Variants in KCNK2 observed in about 807,000 individuals in gnomAD.
KCNK2 encodes the protein potassium two pore domain channel subfamily K member 2, also known as potassium channel subfamily K member 2.
KCNK2 carries 21 observed loss-of-function variants against 40.5 expected under a neutral mutation model. The observed-to-expected ratio is 0.52, with a 90% CI of 0.37 to 0.75. KCNK2 has a LOEUF of 0.75. Ranked by LOEUF, KCNK2 falls within the 30% of genes least tolerant of loss-of-function variation. The probability of loss-of-function intolerance (pLI) is 0.00; values close to 1 mark genes in which losing one functional copy is unlikely to be tolerated. For missense variants in KCNK2, 399 were observed against 531.6 expected (o/e 0.75, Z 2.45); for synonymous variants, 191 against 202.2 (o/e 0.94, Z 0.47).
intron 1 of KCNK2, among the ~76,000 whole-genome samples, chr1:215,052,753 G>C (rs2102500647): frequency 6.6e-6 from 1 of 152,250 alleles, no homozygotes; most frequent in South Asian, 2.1e-4. Flanking sequence ...TCCTAGGTTT[G>C]GGACATCAGC....
chr1:215,181,474 A>AG (rs1356521933), intron 5 of KCNK2, among the ~76,000 whole-genome samples: 7 of 152,142 alleles, frequency 4.6e-5, no homozygotes, highest in Admixed American at 4.6e-4. Context: ...TCTCATCTGG[A>AG]GACACTGCCA....
At chr1:215,065,421 G>A (rs1360924586) in intron 1 of KCNK2, among the ~76,000 whole-genome samples, 1 of 151,948 alleles carries the variant, frequency 6.6e-6, no homozygotes, top group African/African-American at 2.4e-5. Flanking sequence ...AAAAGAAAAG[G>A]AAGAAGTGAA....
At chr1:215,008,671 G>C (rs532011611) in intron 1 of KCNK2, among the ~76,000 whole-genome samples, 1 of 152,128 alleles carries the variant, frequency 6.6e-6, no homozygotes, top group Non-Finnish European at 1.5e-5. Flanking sequence ...GGGCTTTAGA[G>C]ACCTTTCTAA....
chr1:215,096,686 G>A (rs555635843), intron 2 of KCNK2, among the ~76,000 whole-genome samples: 83 of 151,972 alleles, frequency 5.5e-4, no homozygotes, highest in South Asian at 4.2e-3. Context: ...GGACCATTTT[G>A]AATTCACATG....
intron 3 of KCNK2, among the ~76,000 whole-genome samples, chr1:215,125,554 C>A (rs939458320): frequency 2.0e-5 from 3 of 151,522 alleles, no homozygotes; most frequent in African/African-American, 4.9e-5. Context: ...CACTTGGACA[C>A]AGGAAGGGGA....
intron 1 of KCNK2, among the ~76,000 whole-genome samples, chr1:215,042,103 C>T (rs374993355): frequency 2.0e-5 from 3 of 152,130 alleles, no homozygotes; most frequent in African/African-American, 7.2e-5. Context: ...AATTACCTCC[C>T]ACGGGTTCCC....
chr1:215,030,709 ATTTT>A (rs66479154), intron 1 of KCNK2, among the ~76,000 whole-genome samples: 17 of 140,184 alleles, frequency 1.2e-4, no homozygotes, highest in Non-Finnish European at 9.2e-5. Flanking sequence ...TAATTTTTGT[ATTTT>A]TTTTTTTTTT....
At chr1:215,080,306 G>A (rs774024254), upstream of KCNK2, among the ~76,000 whole-genome samples, 8 of 152,150 alleles carry the variant, frequency 5.3e-5, no homozygotes, top group East Asian at 5.8e-4. Context: ...CAGAAAACTC[G>A]GAGGGGGGAA....
intron 3 of KCNK2, among the ~76,000 whole-genome samples, chr1:215,129,012 T>C (rs1243379667): frequency 1.3e-5 from 2 of 152,158 alleles, no homozygotes; most frequent in African/African-American, 4.8e-5. Flanking sequence ...TTAGGAGGCA[T>C]TGCAGTGACC....
intron 6 of KCNK2, among the ~76,000 whole-genome samples, chr1:215,208,420 G>T (rs1476315823): frequency 6.6e-6 from 1 of 152,032 alleles, no homozygotes; most frequent in African/African-American, 2.4e-5. Context: ...TTAATACCTT[G>T]GTGATGAAAT....
intron 3 of KCNK2, among the ~76,000 whole-genome samples, chr1:215,146,753 A>C (rs1050070966): frequency 3.3e-5 from 5 of 152,228 alleles, no homozygotes; most frequent in Admixed American, 2.0e-4. Context: ...CTGAATTAAT[A>C]GTTTAAATCT....
chr1:215,067,062 A>C (rs964366980), intron 1 of KCNK2, among the ~76,000 whole-genome samples: 1 of 152,144 alleles, frequency 6.6e-6, no homozygotes, highest in Non-Finnish European at 1.5e-5. Context: ...GAAAGAAAAA[A>C]ACGAACGGGG....
At chr1:215,085,971 T>C (rs887112343) in intron 1 of KCNK2, among the ~76,000 whole-genome samples, 3 of 152,224 alleles carry the variant, frequency 2.0e-5, no homozygotes, top group Non-Finnish European at 4.4e-5. Flanking sequence ...CCATGAGCCG[T>C]CTTCCTGAGT....
At chr1:215,018,150 G>T (rs2102475730) in intron 1 of KCNK2, among the ~76,000 whole-genome samples, 1 of 152,032 alleles carries the variant, frequency 6.6e-6, no homozygotes, top group East Asian at 1.9e-4. Flanking sequence ...CAATATAAAG[G>T]TCTAGAAAAA....
At chr1:215,148,550 C>G (rs1016395275) in intron 3 of KCNK2, among the ~76,000 whole-genome samples, 3 of 152,090 alleles carry the variant, frequency 2.0e-5, no homozygotes, top group African/African-American at 4.8e-5. Flanking sequence ...CTATAGATTG[C>G]TCTTTTCAAT....
chr1:215,112,853 T>C (rs991947422), intron 2 of KCNK2, among the ~76,000 whole-genome samples: 1 of 152,138 alleles, frequency 6.6e-6, no homozygotes, highest in African/African-American at 2.4e-5. Context: ...GCATCTAGGT[T>C]TGTGGAAGTA....
chr1:215,188,778 G>C (rs1217682371), intron 5 of KCNK2, among the ~76,000 whole-genome samples: 1 of 152,154 alleles, frequency 6.6e-6, no homozygotes, highest in Non-Finnish European at 1.5e-5. Flanking sequence ...TAAAGAGTGA[G>C]ATCTGTTGAA....
intron 1 of KCNK2, among the ~76,000 whole-genome samples, chr1:215,024,279 A>C (rs2802643): frequency 0.44 from 66,497 of 151,758 alleles, 16,206 homozygotes; most frequent in Non-Finnish European, 0.55. Flanking sequence ...AGTATTAGGT[A>C]AAGGACTTGC....
intron 5 of KCNK2, among the ~76,000 whole-genome samples, chr1:215,172,657 A>G (rs1036914135): frequency 5.3e-5 from 8 of 151,924 alleles, no homozygotes; most frequent in Non-Finnish European, 8.8e-5. Flanking sequence ...ATTATTATTT[A>G]TTTATTTATT....
Sources: gnomAD v4.1 joint callset for allele counts (sites outside exome capture counted in the v4.1 genomes callset) on GRCh38, gnomAD v4.1.1 for gene constraint, MANE v1.5 for transcripts, NCBI Gene and HGNC (gene_info 2026-07-23, HGNC 2026-07-21) for gene names.